The following ARSG variants were observed in gnomAD, a reference collection of about 807,000 sequenced individuals.
ARSG encodes the protein ASG.
A neutral mutation model predicts 50.5 loss-of-function variants in ARSG; 37 were observed. The observed-to-expected ratio is 0.73, with a 90% confidence interval of 0.56 to 0.96. The LOEUF (loss-of-function observed/expected upper bound fraction) is 0.96, where lower values mean the gene tolerates loss of function less well. Ranked by LOEUF, ARSG falls within the 50% of genes least tolerant of loss-of-function variation. ARSG has a pLI of 0.00. For synonymous variants in ARSG, 225 were observed against 254.6 expected, an observed-to-expected ratio of 0.88 and a Z score of 1.11; for missense variants, 629 against 675.3, an observed-to-expected ratio of 0.93 and a Z score of 0.76.
chr17:68,268,014 TAAAAC>T (rs1555746970), intron 1 of ARSG: 1 of 152,254 alleles, frequency 6.6e-6, no homozygotes, highest in African/African-American at 2.4e-5. Context: ...TCTTAAATGA[TAAAAC>T]AAATTAGTTT....
intron 3 of ARSG, 79 bp downstream of exon 3, chr17:68,343,870 C>A: frequency 7.2e-7 from 1 of 1,396,364 alleles, no homozygotes; most frequent in Non-Finnish European, 9.8e-7. Flanking sequence ...AACATACTCC[C>A]TGTCTGCTTT....
rs370817320 is a variant in ARSG at position 68,406,525 on chromosome 17, C to T, written c.1303+5075C>T. On this transcript the variant is annotated intron_variant, in intron 11 of 11. Coordinates refer to ENST00000621439, the MANE Select transcript of ARSG (RefSeq NM_001267727.2). Reference sequence around the variant, plus strand: ...CAGTGTAGAAGTGTTCCCTGTTCACCGTATCCATGCCAACATCTACTGTTT... The same window carrying T: ...CAGTGTAGAAGTGTTCCCTGTTCACTGTATCCATGCCAACATCTACTGTTT... Among the ~76,000 whole-genome samples the T allele has an allele frequency of 2.9e-3, 436 of 152,234 alleles. 1 individual carries two copies. Among genetic ancestry groups the T allele is most frequent in the African/African-American group, 0.01 (427 of 41,532 alleles).
At chr17:68,300,627 T>A (rs1173920405) in intron 1 of ARSG, among the ~76,000 whole-genome samples, 1 of 152,136 alleles carries the variant, frequency 6.6e-6, no homozygotes, top group Non-Finnish European at 1.5e-5. Context: ...GACACAGATA[T>A]AATTTCCGCA....
chr17:68,311,528 C>T (rs761714542), intron 2 of ARSG, among the ~76,000 whole-genome samples: 1 of 152,006 alleles, frequency 6.6e-6, no homozygotes, highest in East Asian at 1.9e-4. Context: ...TTAAGGCTCT[C>T]GATGATCTCA....
At chr17:68,386,551 T>C (rs2080734863) in intron 9 of ARSG, among the ~76,000 whole-genome samples, 1 of 152,076 alleles carries the variant, frequency 6.6e-6, no homozygotes, top group Admixed American at 6.6e-5. Flanking sequence ...GTCAGCCCTG[T>C]ACAGTCAGGA....
At chr17:68,396,585 C>G (rs2081259093) in intron 10 of ARSG, among the ~76,000 whole-genome samples, 1 of 152,162 alleles carries the variant, frequency 6.6e-6, no homozygotes, top group Non-Finnish European at 1.5e-5. Flanking sequence ...GGTGAGGGAC[C>G]CACACATCAA....
At chr17:68,384,473 A>G (rs1333365023) in intron 8 of ARSG, among the ~76,000 whole-genome samples, 4 of 152,196 alleles carry the variant, frequency 2.6e-5, no homozygotes, top group African/African-American at 7.2e-5. Context: ...TATTACTGAC[A>G]CTGTCTCCAT....
intron 2 of ARSG, among the ~76,000 whole-genome samples, chr17:68,334,806 G>T (rs1269053703): frequency 6.6e-6 from 1 of 152,074 alleles, no homozygotes; most frequent in Non-Finnish European, 1.5e-5. Flanking sequence ...GGCTCACAGA[G>T]TGTTTCCAGA....
At chr17:68,433,105 T>G in the ARSG span, among the ~76,000 whole-genome samples, 6 of 152,386 alleles carry the variant, frequency 3.9e-5, no homozygotes, top group South Asian at 2.1e-4. Context: ...CACTTCTTAG[T>G]GCTTCCTATG....
downstream of ARSG, among the ~76,000 whole-genome samples, chr17:68,425,382 CTTTTTT>C (rs112331284): frequency 6.0e-5 from 8 of 132,310 alleles, no homozygotes; most frequent in Admixed American, 7.8e-5. Context: ...TTTTTCTTTT[CTTTTTT>C]TTTTTTTTTT....
intron 6 of ARSG, among the ~76,000 whole-genome samples, chr17:68,364,334 A>C (rs2079439293): frequency 6.6e-6 from 1 of 152,108 alleles, no homozygotes; most frequent in African/African-American, 2.4e-5. Flanking sequence ...CCTGAATTCC[A>C]TCCCAGAGAT....
In ARSG at chr17:68,356,634, A is replaced by G. The variant is rs142404993; in HGVS notation, c.567-33A>G. ...GTTCTGCTCCGTGAGTACGTAGGAA[A>G]TGAATACTCTATGGTCTGTGGTTTC... On this transcript the variant is annotated intron_variant, in intron 5 of 11. Transcript: ENST00000621439. 9.2e-3 allele frequency: 14,870 copies of G among 1,613,158 alleles called. 89 individuals are homozygous for G. The highest frequency in any genetic ancestry group is 0.011 in the Non-Finnish European group (12,672 of 1,179,278).
At chr17:68,311,408 A>G (rs1479730303) in intron 2 of ARSG, among the ~76,000 whole-genome samples, 1 of 152,124 alleles carries the variant, frequency 6.6e-6, no homozygotes, top group East Asian at 1.9e-4. Context: ...TGGCTGTTCA[A>G]TCATCTGACC....
intron 1 of ARSG, among the ~76,000 whole-genome samples, chr17:68,263,738 C>T (rs1555745739): frequency 2.0e-5 from 3 of 152,232 alleles, no homozygotes; most frequent in Non-Finnish European, 4.4e-5. Flanking sequence ...GGATGAGCCA[C>T]AACACCTGGC....
At chr17:68,414,836 C>A (rs1231856612) in intron 11 of ARSG, among the ~76,000 whole-genome samples, 1 of 152,044 alleles carries the variant, frequency 6.6e-6, no homozygotes, top group African/African-American at 2.4e-5. Flanking sequence ...TTCATAGTAG[C>A]CTTGAATGAT....
intron 11 of ARSG, among the ~76,000 whole-genome samples, chr17:68,409,781 A>G (rs1023707826): frequency 6.6e-6 from 1 of 150,922 alleles, no homozygotes; most frequent in Non-Finnish European, 1.5e-5. Context: ...ATTTGTTCGT[A>G]TCCTCTTTTA....
intron 1 of ARSG, among the ~76,000 whole-genome samples, chr17:68,279,414 TA>T (rs1412648390): frequency 2.0e-5 from 3 of 152,136 alleles, no homozygotes; most frequent in Admixed American, 6.5e-5. Flanking sequence ...AATGTCACTA[TA>T]AATCAAAATG....
chr17:68,362,254 G>C (rs1252610196), intron 6 of ARSG, among the ~76,000 whole-genome samples: 4 of 151,640 alleles, frequency 2.6e-5, no homozygotes, highest in Non-Finnish European at 5.9e-5. Flanking sequence ...CTCTCACCCG[G>C]CTCCCACCCG....
intron 11 of ARSG, among the ~76,000 whole-genome samples, chr17:68,405,172 G>T (rs2081655349): frequency 8.0e-6 from 1 of 125,756 alleles, no homozygotes; most frequent in Non-Finnish European, 1.6e-5. Context: ...GACTATTTCT[G>T]GGTCCTCTGA....
Sources: allele counts gnomAD v4.1 joint callset (sites outside exome capture counted in the v4.1 genomes callset), GRCh38; gene constraint gnomAD v4.1.1; transcripts MANE v1.5; gene names NCBI Gene and HGNC (gene_info 2026-07-23, HGNC 2026-07-21).